The following CENPE variants were observed in gnomAD, a reference collection of about 807,000 sequenced individuals.
CENPE encodes the protein centromere protein E.
Under a neutral mutation model 336.1 loss-of-function variants are expected in CENPE, and 145 were observed. The ratio of observed to expected loss-of-function variants is 0.43; its 90% CI spans 0.38 to 0.50. The LOEUF (loss-of-function observed/expected upper bound fraction) is 0.50, where lower values mean the gene tolerates loss of function less well. Among genes scored for constraint, CENPE ranks in the 20% least tolerant of loss-of-function variants. CENPE has a pLI of 0.00. For synonymous variants in CENPE, 1,013 were observed against 984.8 expected (o/e 1.03, Z -0.54); for missense variants, 2,719 against 3,023.3 (o/e 0.90, Z 2.36).
rs1754396664 is a variant in CENPE, at chr4:103,161,014, C to T, written c.2131+72G>A. The T allele has an allele frequency of 4.0e-6, 5 of 1,263,686 alleles. No homozygotes were observed. The African/African-American group carries it at 4.5e-5, about 11-fold the overall frequency. The allele number at this position is 1,263,686 out of a possible 1,614,324, so 78.3% of individuals were successfully genotyped here. ...ATGAATTTTTAATCATTGAAATATG[C>T]TTGTCAAATTGTTTAGGTACATTTC... is the stretch of plus-strand genomic sequence containing the variant. On this transcript the variant is annotated intron_variant, in intron 20 of 48. Coordinates refer to ENST00000265148, the MANE Select transcript of CENPE (RefSeq NM_001813.3).
intron 33 of CENPE, 149 bp from the exon 34 acceptor site, chr4:103,143,555 T>G (rs1361758805): frequency 1.6e-6 from 1 of 611,502 alleles, no homozygotes; most frequent in Non-Finnish European, 2.9e-6. Flanking sequence ...TGTCAATACA[T>G]TCTAGATACA....
chr4:103,175,723 A>G (rs1048319826), intron 15 of CENPE, among the ~76,000 whole-genome samples: 2 of 152,136 alleles, frequency 1.3e-5, no homozygotes, highest in Admixed American at 6.5e-5. Context: ...GTGAATACTA[A>G]GATCTGCTAG....
At chr4:103,106,452 G>A (rs951119051) in intron 48 of CENPE, 136 bp from the exon 49 acceptor site, 2 of 526,390 alleles carry the variant, frequency 3.8e-6, no homozygotes, top group Non-Finnish European at 6.5e-6. Context: ...ACCGTGTTTG[G>A]TCATGAAGAT....
chr4:103,124,686 A>G (rs1459603342), intron 42 of CENPE, among the ~76,000 whole-genome samples: 1 of 152,178 alleles, frequency 6.6e-6, no homozygotes, highest in African/African-American at 2.4e-5. Flanking sequence ...GAAATTATTG[A>G]TATCTTTTTT....
chr4:103,168,147 C>G (rs1179890036), intron 16 of CENPE, among the ~76,000 whole-genome samples: 1 of 152,130 alleles, frequency 6.6e-6, no homozygotes, highest in Non-Finnish European at 1.5e-5. Context: ...AAGAGATGAA[C>G]CTGTCTGAGC....
chr4:103,114,525 T>C lies in CENPE; in HGVS notation c.7470A>G (p.Glu2490=). Residue 2490 remains glutamate, a synonymous_variant, in exon 46 of 49, where the codon GAA becomes GAG. Transcript: ENST00000265148. ...KEISATKATV[E]YQKEVIRLLR... ...ATAGCCTTATAACTTCCTTTTGATA[T>C]TCTACAGTGGCTTTTGTAGCACTGA... 1 of 1,610,886 alleles carries C rather than the reference T, an allele frequency of 6.2e-7. No individual in the cohort carries two copies. The highest frequency in any genetic ancestry group is 8.5e-7 in the Non-Finnish European group (1 of 1,178,582).
At chr4:103,189,626 T>C (rs1295829481) in intron 8 of CENPE, among the ~76,000 whole-genome samples, 2 of 152,212 alleles carry the variant, frequency 1.3e-5, no homozygotes, top group Non-Finnish European at 2.9e-5. Context: ...AAGTTAGGTA[T>C]TGATGGGACG....
rs1427174087 is a variant in CENPE at position 103,108,976 on chromosome 4, C to G, written c.7838G>C (p.Gly2613Ala). Reference protein sequence around the residue: ...ENSPKSPKVTGTASKKKQITP... With the variant: ...ENSPKSPKVTATASKKKQITP... ...AATTTGTTTCTTTTTAGAAGCTGTT[C>G]CAGTCACTTTAGGAGACTTTGGAGA... Residue 2613 changes from glycine to alanine, a missense_variant, in exon 48 of 49, where the codon GGA becomes GCA. Transcript: ENST00000265148. 1.9e-6 allele frequency: 3 copies of G among 1,613,648 alleles called. No individual in the cohort carries two copies. The African/African-American group carries it at 4.0e-5, about 22-fold the overall frequency.
At chr4:103,129,805 C>T (rs1251673688) in intron 42 of CENPE, among the ~76,000 whole-genome samples, 1 of 152,030 alleles carries the variant, frequency 6.6e-6, no homozygotes, top group African/African-American at 2.4e-5. Context: ...GAAGTCAAAT[C>T]CAATCACGTG....
intron 13 of CENPE, among the ~76,000 whole-genome samples, chr4:103,178,548 T>C (rs1756072651): frequency 6.6e-6 from 1 of 152,224 alleles, no homozygotes; most frequent in Non-Finnish European, 1.5e-5. Context: ...CAATTCTTTC[T>C]ACTATATTCA....
At chr4:103,127,246 AG>A (rs1288355108) in intron 42 of CENPE, among the ~76,000 whole-genome samples, 4 of 152,106 alleles carry the variant, frequency 2.6e-5, no homozygotes, top group Admixed American at 2.0e-4. Context: ...CCATACCTAT[AG>A]GGGAGTGAAG....
At chr4:103,197,976 T>C (rs1377486730) in intron 1 of CENPE, among the ~76,000 whole-genome samples, 1 of 152,124 alleles carries the variant, frequency 6.6e-6, no homozygotes, top group Non-Finnish European at 1.5e-5. Context: ...AGGCGGGGAA[T>C]GGGGCAGGGA....
At chr4:103,129,046 G>A (rs1751366979) in intron 42 of CENPE, among the ~76,000 whole-genome samples, 1 of 151,980 alleles carries the variant, frequency 6.6e-6, no homozygotes, top group Admixed American at 6.6e-5. Context: ...TAGAGCCCAT[G>A]GACATTAAAA....
chr4:103,187,702 T>C (rs1422152483), intron 8 of CENPE, among the ~76,000 whole-genome samples: 1 of 152,156 alleles, frequency 6.6e-6, no homozygotes, highest in Non-Finnish European at 1.5e-5. Flanking sequence ...ACATGCCAAA[T>C]TGTAAAGACC....
At chr4:103,169,371 T>C (rs1049287001) in intron 16 of CENPE, among the ~76,000 whole-genome samples, 5 of 151,924 alleles carry the variant, frequency 3.3e-5, no homozygotes, top group African/African-American at 7.3e-5. Flanking sequence ...AAAGAAATAA[T>C]AGCAGAAAAT....
At chr4:103,167,068 ACT>A (rs1214109521) in intron 16 of CENPE, among the ~76,000 whole-genome samples, 1 of 152,068 alleles carries the variant, frequency 6.6e-6, no homozygotes, top group Non-Finnish European at 1.5e-5. Context: ...TTTTCACATA[ACT>A]CTCTTAGATG....
At position 103,163,434 on chromosome 4, in the gene CENPE, T is replaced by C. The variant is rs746605672; in HGVS notation, c.1722+45A>G. Reference sequence around the variant, plus strand: ...TCAGTTACATATGTTGCATGTTTTATAGTTCTAATTGCTTATCAATAGAAA... The same window carrying C: ...TCAGTTACATATGTTGCATGTTTTACAGTTCTAATTGCTTATCAATAGAAA... On this transcript the variant is annotated intron_variant, in intron 17 of 48. Coordinates refer to ENST00000265148, the MANE Select transcript of CENPE (RefSeq NM_001813.3). 4.3e-6 allele frequency: 6 copies of C among 1,380,758 alleles called. No homozygotes were observed. In the African/African-American group the frequency reaches 5.7e-5, roughly 13 times the overall value. The allele number at this position is 1,380,758 out of a possible 1,614,324, so 85.5% of individuals were successfully genotyped here. A position where few individuals can be genotyped will look rare whatever the true frequency, so the allele number is the denominator to read the frequency against.
intron 44 of CENPE, among the ~76,000 whole-genome samples, chr4:103,119,251 A>C (rs1750400266): frequency 6.6e-6 from 1 of 152,188 alleles, no homozygotes. Flanking sequence ...ACTAGAATGT[A>C]AGTTCCTTGA....
intron 16 of CENPE, among the ~76,000 whole-genome samples, chr4:103,169,248 C>CAA (rs200163618): frequency 8.6e-6 from 1 of 115,996 alleles, no homozygotes. Flanking sequence ...AGTCAGGAGG[C>CAA]AAAAAAAAAA....
Sources: allele counts gnomAD v4.1 joint callset (sites outside exome capture counted in the v4.1 genomes callset), GRCh38; gene constraint gnomAD v4.1.1; transcripts MANE v1.5; gene names NCBI Gene and HGNC (gene_info 2026-07-23, HGNC 2026-07-21).